AOPEP: variants seen among roughly 807,000 people sequenced by gnomAD.
The protein encoded by AOPEP is aminopeptidase O.
Under a neutral mutation model 98.1 loss-of-function variants are expected in AOPEP, and 77 were observed. That is an observed-to-expected ratio of 0.78 (90% CI 0.65 to 0.95). The LOEUF (loss-of-function observed/expected upper bound fraction) is 0.95. Among genes scored for constraint, AOPEP ranks in the 40% least tolerant of loss-of-function variants. The probability of loss-of-function intolerance (pLI) is 0.00; values close to 1 mark genes in which losing one functional copy is unlikely to be tolerated. For missense variants in AOPEP, 1,024 were observed against 1,024.7 expected (o/e 1.00, Z 0.01); for synonymous variants, 346 against 365.3 (o/e 0.95, Z 0.60).
chr9:95,147,483 T>A, the AOPEP span, among the ~76,000 whole-genome samples: 1 of 152,064 alleles, frequency 6.6e-6, no homozygotes, highest in African/African-American at 2.4e-5. Context: ...ACCACTGTAC[T>A]CCAGCCTGGG....
At chr9:94,800,579 C>A (rs576468489) in intron 4 of AOPEP, among the ~76,000 whole-genome samples, 178 bp from the exon 5 acceptor site, 1 of 152,230 alleles carries the variant, frequency 6.6e-6, no homozygotes, top group Admixed American at 6.5e-5. Context: ...ACGTTTTTGT[C>A]CTGTAAATTT....
intron 1 of AOPEP, among the ~76,000 whole-genome samples, chr9:94,737,996 C>T (rs934964445): frequency 2.0e-5 from 3 of 152,198 alleles, no homozygotes; most frequent in African/African-American, 7.2e-5. Context: ...AATCTCACTT[C>T]TGCCATCTCA....
intron 5 of AOPEP, among the ~76,000 whole-genome samples, chr9:94,814,802 T>C (rs1407489506): frequency 6.6e-6 from 1 of 152,246 alleles, no homozygotes; most frequent in African/African-American, 2.4e-5. Flanking sequence ...GATTTTGCAC[T>C]GTCGGACGTA....
At chr9:94,957,367 C>A (rs2058538465) in intron 9 of AOPEP, among the ~76,000 whole-genome samples, 1 of 152,088 alleles carries the variant, frequency 6.6e-6, no homozygotes, top group South Asian at 2.1e-4. Flanking sequence ...GCCACGACAC[C>A]CTGCTAATTT....
chr9:95,107,551 A>G, the AOPEP span: 1 of 536,728 alleles, frequency 1.9e-6, no homozygotes. Flanking sequence ...AAAGTTCTCA[A>G]CAGAATGTAG....
the AOPEP span, among the ~76,000 whole-genome samples, chr9:95,141,988 T>TG: frequency 2.2e-5 from 3 of 135,676 alleles, no homozygotes; most frequent in Non-Finnish European, 4.7e-5. Flanking sequence ...TTGTGGGGTT[T>TG]TTTTTTTTTT....
the AOPEP span, among the ~76,000 whole-genome samples, chr9:95,129,819 G>C: frequency 6.6e-6 from 1 of 152,092 alleles, no homozygotes; most frequent in Non-Finnish European, 1.5e-5. Context: ...GGATGACTAG[G>C]GAGCGAAGAT....
intron 5 of AOPEP, among the ~76,000 whole-genome samples, chr9:94,875,650 T>G (rs994572980): frequency 6.6e-6 from 1 of 152,238 alleles, no homozygotes. Context: ...CAGTTTGTTA[T>G]GTACTAAGAT....
chr9:95,032,393 G>A (rs1253996442), intron 13 of AOPEP, among the ~76,000 whole-genome samples: 1 of 152,264 alleles, frequency 6.6e-6, no homozygotes. Flanking sequence ...AGATACTGCA[G>A]CATTGGTTTT....
At chr9:94,876,397 G>A (rs1278245787) in intron 5 of AOPEP, among the ~76,000 whole-genome samples, 6 of 146,394 alleles carry the variant, frequency 4.1e-5, no homozygotes, top group African/African-American at 1.3e-4. Context: ...ATGGAGTCTC[G>A]CTTTATCCCC....
chr9:94,944,865 C>CTT (rs1385352175), intron 7 of AOPEP, among the ~76,000 whole-genome samples: 1 of 152,114 alleles, frequency 6.6e-6, no homozygotes, highest in Non-Finnish European at 1.5e-5. Flanking sequence ...GGTTGCACAA[C>CTT]CTTATGAGTA....
At chr9:95,117,826 C>T in the AOPEP span, among the ~76,000 whole-genome samples, 2 of 149,780 alleles carry the variant, frequency 1.3e-5, no homozygotes, top group East Asian at 2.0e-4. Context: ...CGGGTTCAAG[C>T]GATTCTCCTC....
chr9:94,901,660 G>T (rs1344410707), intron 5 of AOPEP, among the ~76,000 whole-genome samples: 2 of 152,172 alleles, frequency 1.3e-5, no homozygotes, highest in Non-Finnish European at 2.9e-5. Flanking sequence ...TGCTGAGAAG[G>T]CTGGGTGCAG....
At chr9:94,982,441 A>G (rs533080944) in intron 11 of AOPEP, among the ~76,000 whole-genome samples, 1 of 152,350 alleles carries the variant, frequency 6.6e-6, no homozygotes, top group East Asian at 1.9e-4. Flanking sequence ...TTCTGTGCTG[A>G]ACAGCATGTA....
chr9:94,896,990 G>A (rs902268848), intron 5 of AOPEP, among the ~76,000 whole-genome samples: 1 of 143,856 alleles, frequency 7.0e-6, no homozygotes, highest in Non-Finnish European at 1.5e-5. Context: ...AAATTAAAAA[G>A]CACCAAAATT....
chr9:95,016,788 T>A (rs1179810883), intron 13 of AOPEP, among the ~76,000 whole-genome samples: 2 of 150,694 alleles, frequency 1.3e-5, no homozygotes, highest in African/African-American at 2.4e-5. Context: ...TTTTTTTTTT[T>A]AAAAGAGACA....
chr9:95,127,362 C>T, the AOPEP span: 1 of 152,250 alleles, frequency 6.6e-6, no homozygotes, highest in Admixed American at 6.5e-5. Flanking sequence ...GGGTCCGTAA[C>T]TTTCTCGGCA....
intron 16 of AOPEP, 185 bp downstream of exon 16, chr9:95,082,904 C>A (rs2070011075): frequency 1.6e-6 from 1 of 609,800 alleles, no homozygotes; most frequent in Non-Finnish European, 2.8e-6. Flanking sequence ...GCCCCGGGTC[C>A]CTGGAGCACC....
chr9:94,860,824 CAG>C (rs1427579602), intron 5 of AOPEP, among the ~76,000 whole-genome samples: 1 of 152,162 alleles, frequency 6.6e-6, no homozygotes, highest in Non-Finnish European at 1.5e-5. Context: ...GTGCCTGACA[CAG>C]AGCACACCAT....
Sources: allele counts gnomAD v4.1 joint callset (sites outside exome capture counted in the v4.1 genomes callset), GRCh38; gene constraint gnomAD v4.1.1; transcripts MANE v1.5; gene names NCBI Gene and HGNC (gene_info 2026-07-23, HGNC 2026-07-21).